Variants in TCFL5 observed in about 807,000 individuals in gnomAD.
TCFL5 encodes the protein transcription factor like 5, also known as transcription factor-like 5 protein.
In TCFL5, 9 loss-of-function variants were observed where a neutral mutation model predicts 44.3. The ratio of observed to expected loss-of-function variants is 0.20; its 90% CI spans 0.12 to 0.35. TCFL5 has a LOEUF of 0.35. Among genes scored for constraint, TCFL5 ranks in the 10% least tolerant of loss-of-function variants. TCFL5 has a pLI of 1.00. For synonymous variants in TCFL5, 319 were observed against 271.6 expected, an observed-to-expected ratio of 1.17 and a Z score of -1.72; for missense variants, 603 against 613.4, an observed-to-expected ratio of 0.98 and a Z score of 0.18.
At chr20:62,849,390 C>T (rs765035978) in intron 5 of TCFL5, among the ~76,000 whole-genome samples, 12 of 152,120 alleles carry the variant, frequency 7.9e-5, no homozygotes, top group Non-Finnish European at 1.5e-4. Flanking sequence ...CCATCTAAAC[C>T]CAGAATGTGG....
chr20:62,845,660 G>T, intron 5 of TCFL5: 1 of 1,606,108 alleles, frequency 6.2e-7, no homozygotes, highest in South Asian at 1.1e-5. Context: ...AACCCCCGCT[G>T]ACCATGGCAG....
chr20:62,845,283 G>A (rs1371597690), intron 5 of TCFL5: 18 of 798,174 alleles, frequency 2.3e-5, no homozygotes, highest in South Asian at 3.8e-5. Context: ...CACCACGCCC[G>A]GCTAATTTTT....
intron 1 of TCFL5, 100 bp from the exon 2 acceptor site, chr20:62,860,408 A>T (rs1438287623): frequency 2.0e-6 from 2 of 1,021,348 alleles, no homozygotes; most frequent in Non-Finnish European, 2.9e-6. Context: ...CCAGACAGCA[A>T]CCCAACTCTC....
intron 5 of TCFL5, chr20:62,845,611 G>C (rs897854675): frequency 6.3e-7 from 1 of 1,585,886 alleles, no homozygotes. Flanking sequence ...TTAGACCCTC[G>C]GAGCTGGTCT....
rs976474697 is a variant in TCFL5 at position 62,857,427 on chromosome 20, C to T, written c.1206G>A (p.Arg402=). 1 of 1,614,120 alleles carries T rather than the reference C, an allele frequency of 6.2e-7. No individual in the cohort carries two copies. Among genetic ancestry groups the T allele is most frequent in the Non-Finnish European group, 8.5e-7 (1 of 1,180,050 alleles). Reference sequence around the variant, plus strand: ...CTCTTTCCATTCGGTTATGCCTCTCCCTACGTTGAGACCTTCCTCCCTGGG... The same window carrying T: ...CTCTTTCCATTCGGTTATGCCTCTCTCTACGTTGAGACCTTCCTCCCTGGG... ...SGPQGGRSQR[R]ERHNRMERDR... is the part of the protein sequence containing the mutation. Residue 402 remains arginine (R), a synonymous_variant, in exon 4 of 6, where the codon AGG becomes AGA. Coordinates refer to ENST00000335351, the MANE Select transcript of TCFL5 (RefSeq NM_006602.4).
chr20:62,850,745 G>A (rs761344655), intron 5 of TCFL5, among the ~76,000 whole-genome samples: 18 of 152,118 alleles, frequency 1.2e-4, no homozygotes, highest in Non-Finnish European at 2.4e-4. Flanking sequence ...AGCCTGCCCC[G>A]GTGCCCTGCC....
intron 5 of TCFL5, among the ~76,000 whole-genome samples, chr20:62,853,110 C>A (rs1300578730): frequency 6.6e-6 from 1 of 151,454 alleles, no homozygotes; most frequent in Admixed American, 6.6e-5. Flanking sequence ...GAAGCATAGT[C>A]ACCCGGTCCA....
Position 62,860,208 on chromosome 20 carries a change from T to C in TCFL5, c.748A>G (p.Thr250Ala). Reference sequence around the variant, plus strand: ...GGGTATGTAAATTGCAAAGCAGTAGTTGTAGCCGCAGTTTTATTTTTCACT... The same window carrying C: ...GGGTATGTAAATTGCAAAGCAGTAGCTGTAGCCGCAGTTTTATTTTTCACT... ...ALVKNKTAATTTALQFTYPLF... is the reference protein window; with the variant it reads ...ALVKNKTAATATALQFTYPLF... The change falls in exon 2 of 6, where the codon ACT becomes GCT. Residue 250 changes from threonine to alanine, a missense_variant. This residue lies in a region of TCFL5 where 540 missense variants were observed against 478.7 expected (regional missense o/e 1.13). Transcript: ENST00000335351. 1 of 1,613,938 alleles carries C rather than the reference T, an allele frequency of 6.2e-7. No individual in the cohort carries two copies. The highest frequency in any genetic ancestry group is 8.5e-7 in the Non-Finnish European group (1 of 1,179,818).
intron 3 of TCFL5, 138 bp from the exon 4 acceptor site, chr20:62,857,776 G>A (rs998240453): frequency 4.8e-6 from 5 of 1,047,128 alleles, no homozygotes; most frequent in Non-Finnish European, 6.7e-6. Context: ...ACAAAGAGAT[G>A]TACTAATGCA....
chr20:62,860,205 T>C lies in TCFL5; in HGVS notation c.751A>G (p.Thr251Ala), dbSNP rs2063971460. Residue 251 changes from threonine to alanine, a missense_variant, in exon 2 of 6, where the codon ACT becomes GCT. By Grantham distance (58) the Thr-to-Ala change is moderately conservative. Coordinates refer to ENST00000335351, the MANE Select transcript of TCFL5 (RefSeq NM_006602.4). ...AGTGGGTATGTAAATTGCAAAGCAG[T>C]AGTTGTAGCCGCAGTTTTATTTTTC... ...LVKNKTAATT[T>A]ALQFTYPLFT... is the part of the protein sequence containing the mutation. 1.9e-6 allele frequency: 3 copies of C among 1,613,790 alleles called. No homozygotes were observed. In the African/African-American group the frequency reaches 4.0e-5, roughly 22 times the overall value.
chr20:62,853,960 G>C lies in TCFL5; in HGVS notation c.1380+56C>G. 3.2e-6 allele frequency: 5 copies of C among 1,585,660 alleles called. No homozygotes were observed. In the South Asian group the frequency reaches 5.6e-5, roughly 18 times the overall value. ...TGAGTTATCCTTAGGAAAAAGGAGG[G>C]ACATTGTTAAGTAAAATTTGTAAAA... On this transcript the variant is annotated intron_variant, in intron 5 of 5. Transcript: ENST00000335351.
At chr20:62,850,289 C>A (rs4809425) in intron 5 of TCFL5, among the ~76,000 whole-genome samples, 20,363 of 152,090 alleles carry the variant, frequency 0.13, 1,860 homozygotes, top group Non-Finnish European at 0.2. Flanking sequence ...AGAAAACGAA[C>A]AGAAGTGAAT....
At chr20:62,846,054 C>T (rs1027478874) in intron 5 of TCFL5, 71 of 1,339,158 alleles carry the variant, frequency 5.3e-5, no homozygotes, top group Non-Finnish European at 7.0e-5. Flanking sequence ...TTTCCATCAA[C>T]TGCTGATTTC....
At position 62,857,491 on chromosome 20, in the gene TCFL5, G is replaced by A. The variant is rs770100893; in HGVS notation, c.1142C>T (p.Ser381Phe). 13 of 1,614,206 alleles carry A rather than the reference G, an allele frequency of 8.1e-6. No individual in the cohort carries two copies. The South Asian group carries it at 1.4e-4, about 18-fold the overall frequency. ...ATQGAWQSSE[S>F]SQANLGEQAQ... ...CTGCTCCCCCAGGTTTGCCTGTGAG[G>A]ACTCCGAGGACTGCCAAGCGCCTTG... Residue 381 changes from serine to phenylalanine, a missense_variant, in exon 4 of 6, where the codon TCC (serine) becomes TTC (phenylalanine). Ser to Phe is a radical substitution (Grantham distance 155). Around this residue, in one of 4 missense-constraint regions of TCFL5, gnomAD observed 540 missense variants for 478.7 expected, o/e 1.13. Transcript: ENST00000335351.
intron 3 of TCFL5, 82 bp downstream of exon 3, chr20:62,859,282 C>A: frequency 7.0e-7 from 1 of 1,434,862 alleles, no homozygotes. Context: ...ATCTGTCTCC[C>A]CTGCCCCCCA....
intron 5 of TCFL5, chr20:62,852,688 A>T: frequency 1.0e-6 from 1 of 985,294 alleles, no homozygotes; most frequent in Non-Finnish European, 1.2e-6. Flanking sequence ...CGGTCCACAG[A>T]AGTACAGTCA....
chr20:62,847,277 C>G (rs2063756160), intron 5 of TCFL5, among the ~76,000 whole-genome samples: 2 of 151,222 alleles, frequency 1.3e-5, no homozygotes, highest in African/African-American at 4.9e-5. Flanking sequence ...CACACCAGGA[C>G]AAATTTACTA....
intron 5 of TCFL5, among the ~76,000 whole-genome samples, chr20:62,847,630 T>G (rs1188700883): frequency 6.6e-6 from 1 of 152,238 alleles, no homozygotes; most frequent in Non-Finnish European, 1.5e-5. Context: ...AACACAGCGT[T>G]CGGCTCATTC....
chr20:62,851,593 G>A (rs1016272126), intron 5 of TCFL5: 3 of 985,018 alleles, frequency 3.0e-6, no homozygotes, highest in Admixed American at 6.2e-5. Context: ...TAAACGATCC[G>A]ATCAGAATAC....
Sources: allele counts gnomAD v4.1 joint callset (sites outside exome capture counted in the v4.1 genomes callset), GRCh38; gene constraint gnomAD v4.1.1; regional missense constraint gnomAD v4.1.1; transcripts MANE v1.5; gene names NCBI Gene and HGNC (gene_info 2026-07-23, HGNC 2026-07-21).